CIRBP: variants seen among roughly 807,000 people sequenced by gnomAD.
CIRBP encodes the protein cold inducible RNA binding protein.
Under a neutral mutation model 22.3 loss-of-function variants are expected in CIRBP, and 11 were observed. The observed-to-expected ratio is 0.49, with a 90% CI of 0.31 to 0.82. The LOEUF (loss-of-function observed/expected upper bound fraction) is 0.82. CIRBP is among the 40% of genes least tolerant of loss of function. CIRBP has a pLI of 0.05. For missense variants in CIRBP, 456 were observed against 402.7 expected (o/e 1.13, Z -1.13); for synonymous variants, 216 against 158.8 (o/e 1.36, Z -2.71).
In CIRBP at chr19:1,272,596, C is replaced by T. The variant is rs1051258803; in HGVS notation, c.*153C>T. 1 of 657,774 alleles carries T rather than the reference C, an allele frequency of 1.5e-6. No homozygotes were observed. The highest frequency in any genetic ancestry group is 1.8e-5 in the African/African-American group (1 of 55,394). The allele number at this position is 657,774 out of a possible 1,614,324, so 40.7% of individuals were successfully genotyped here. A position where few individuals can be genotyped will look rare whatever the true frequency, so the allele number is the denominator to read the frequency against. ...GATCTTGTCAAACCCAGCCTGACCG[C>T]TTCTGACGCCGGGATGGCCTCGTTA... On this transcript the variant is annotated 3_prime_UTR_variant, in exon 6 of 6. Transcript: ENST00000587896.
chr19:1,269,544 C>T lies in CIRBP; in HGVS notation c.-7+134C>T, dbSNP rs866704788. 8 of 158,130 alleles carry T rather than the reference C, an allele frequency of 5.1e-5. No homozygotes were observed. In the South Asian group the frequency reaches 1.3e-3, roughly 26 times the overall value. 9.8% of individuals were successfully genotyped at this position (158,130 alleles called of 1,614,324 possible). A position where few individuals can be genotyped will look rare whatever the true frequency, so the allele number is the denominator to read the frequency against. Reference sequence around the variant, plus strand: ...GGGGTGGAGTCCGCCCCGCCGGCGGCGAGGGACAGCGGGAGATTGGGCCGA... The same window carrying T: ...GGGGTGGAGTCCGCCCCGCCGGCGGTGAGGGACAGCGGGAGATTGGGCCGA... On this transcript the variant is annotated intron_variant, in intron 1 of 5. Transcript: ENST00000587896.
rs1264596205 is a variant in CIRBP, at chr19:1,271,389, C to T, written c.271C>T (p.Arg91Cys). Reference protein sequence around the residue: ...QAGKSSDNRSRGYRGGSAGGR... With the variant: ...QAGKSSDNRSCGYRGGSAGGR... Reference sequence around the variant, plus strand: ...AGGCAAGTCGTCAGACAACCGATCCCGTGGGTACCGTGGTGGCTCTGCCGG... The same window carrying T: ...AGGCAAGTCGTCAGACAACCGATCCTGTGGGTACCGTGGTGGCTCTGCCGG... The change falls in exon 4 of 6, where the codon CGT (arginine) becomes TGT (cysteine). Residue 91 changes from arginine (R) to cysteine (C), a missense_variant. Physicochemically the swap from Arg to Cys is radical, Grantham distance 180. This residue lies in a region of CIRBP where 426 missense variants were observed against 339.6 expected (regional missense o/e 1.25). Transcript: ENST00000587896. 8 of 1,613,840 alleles carry T rather than the reference C, an allele frequency of 5.0e-6. No individual in the cohort carries two copies. Among genetic ancestry groups the T allele is most frequent in the Admixed American group, 1.7e-5 (1 of 60,020 alleles).
chr19:1,273,303 G>C lies in CIRBP; in HGVS notation c.*860G>C, dbSNP rs919947952. 2.0e-5 allele frequency: 3 copies of C among 152,368 alleles called. No individual in the cohort carries two copies. The highest frequency in any genetic ancestry group is 7.2e-5 in the African/African-American group (3 of 41,456). The allele number at this position is 152,368 out of a possible 1,614,324, so 9.4% of individuals were successfully genotyped here. A position where few individuals can be genotyped will look rare whatever the true frequency, so the allele number is the denominator to read the frequency against. On this transcript the variant is annotated 3_prime_UTR_variant, in exon 6 of 6. Coordinates refer to ENST00000587896, the MANE Select transcript of CIRBP (RefSeq NM_001300829.2). ...GCCTTCCCTGGGGCCTGCAGAGCTA[G>C]AAAGGGAGGCCCAGCAGACTGGCGC...
intron 1 of CIRBP, chr19:1,269,851 T>C: frequency 1.9e-6 from 1 of 519,610 alleles, no homozygotes; most frequent in Non-Finnish European, 3.8e-6. Flanking sequence ...CCTTTTCCCA[T>C]TGCGATTGCA....
At chr19:1,270,204 C>A in intron 1 of CIRBP, 1 of 435,242 alleles carries the variant, frequency 2.3e-6, no homozygotes. Flanking sequence ...AGGTGCCCCC[C>A]AGGACGGGGC....
intron 1 of CIRBP, 144 bp from the exon 2 acceptor site, chr19:1,270,784 G>C (rs2081326147): frequency 1.4e-6 from 1 of 700,914 alleles, no homozygotes. Context: ...ATAAGTCCTA[G>C]GTATGAGTTT....
In CIRBP at chr19:1,273,978, T is replaced by G; in HGVS notation, c.*1535T>G. The G allele has an allele frequency of 3.1e-5, 7 of 226,312 alleles. No homozygotes were observed. The highest frequency in any genetic ancestry group is 8.2e-5 in the East Asian group (1 of 12,142). The allele number at this position is 226,312 out of a possible 1,614,324, so 14.0% of individuals were successfully genotyped here. ...TGAAGACCAGTGAACGCCCCCGCCT[T>G]TTGGATTTTTTGCTCAATTGACCGT... On this transcript the variant is annotated 3_prime_UTR_variant, in exon 6 of 6. Coordinates refer to ENST00000587896, the MANE Select transcript of CIRBP (RefSeq NM_001300829.2).
At position 1,272,690 on chromosome 19, in the gene CIRBP, A is replaced by C; in HGVS notation, c.*247A>C. 2.6e-6 allele frequency: 1 copy of C among 385,892 alleles called. No individual in the cohort carries two copies. Among genetic ancestry groups the C allele is most frequent in the Non-Finnish European group, 4.6e-6 (1 of 215,534 alleles). 23.9% of individuals were successfully genotyped at this position (385,892 alleles called of 1,614,324 possible). A position where few individuals can be genotyped will look rare whatever the true frequency, so the allele number is the denominator to read the frequency against. On this transcript the variant is annotated 3_prime_UTR_variant, in exon 6 of 6. Coordinates refer to ENST00000587896, the MANE Select transcript of CIRBP (RefSeq NM_001300829.2). ...TTTCAAAACATTTTGAAAAGCATTT[A>C]CTTTTTTGACCACGAGCCATGAGTT... is the stretch of plus-strand genomic sequence containing the variant.
rs893987997 is a variant in CIRBP, at chr19:1,269,889, T to C, written c.-7+479T>C. 5.8e-6 allele frequency: 3 copies of C among 519,850 alleles called. No homozygotes were observed. In the Admixed American group the frequency reaches 5.8e-5, roughly 10 times the overall value. 32.2% of individuals were successfully genotyped at this position (519,850 alleles called of 1,614,324 possible). On this transcript the variant is annotated intron_variant, in intron 1 of 5. Transcript: ENST00000587896. ...AGGGAAAGGACGGCCTCGTAAATCT[T>C]GGGTAGGCGTGGCCCGTTCTAGTGT...
rs960877209 is a variant in CIRBP, at chr19:1,274,472, G to A, written c.*2029G>A. On this transcript the variant is annotated 3_prime_UTR_variant, in exon 6 of 6. Transcript: ENST00000587896. ...GCTTTCGGGAAGAGTGGCATGTGGCGCTGAGCCCTGTCCCGGGCGGCACCT... is the reference window on the plus strand; with the variant it reads ...GCTTTCGGGAAGAGTGGCATGTGGCACTGAGCCCTGTCCCGGGCGGCACCT... The A allele has an allele frequency of 5.1e-6, 2 of 393,972 alleles. No individual in the cohort carries two copies. The highest frequency in any genetic ancestry group is 9.0e-6 in the Non-Finnish European group (2 of 222,342). The allele number at this position is 393,972 out of a possible 1,614,324, so 24.4% of individuals were successfully genotyped here.
Position 1,271,501 on chromosome 19 carries a change from G to A in CIRBP, c.349+34G>A, listed in dbSNP as rs1418337799. ...CATGAGTGGGTCCCTTGGGGATGCT[G>A]TGAGGTACTGCTGGTGGGAGCTGGT... is the stretch of plus-strand genomic sequence containing the variant. On this transcript the variant is annotated intron_variant, in intron 4 of 5. Transcript: ENST00000587896. 4.4e-6 allele frequency: 7 copies of A among 1,602,496 alleles called. No homozygotes were observed. The East Asian group carries it at 1.1e-4, about 26-fold the overall frequency.
At chr19:1,270,470 T>A (rs1020122748) in intron 1 of CIRBP, among the ~76,000 whole-genome samples, 1 of 152,060 alleles carries the variant, frequency 6.6e-6, no homozygotes, top group Non-Finnish European at 1.5e-5. Context: ...ATTATTTGAA[T>A]TAAGAAGTCC....
chr19:1,270,795 G>T (rs1031728426), intron 1 of CIRBP, 133 bp from the exon 2 acceptor site: 2 of 740,086 alleles, frequency 2.7e-6, no homozygotes, highest in Non-Finnish European at 4.7e-6. Context: ...GTATGAGTTT[G>T]AGATAATGAA....
Position 1,272,344 on chromosome 19 carries a change from G to C in CIRBP, c.795G>C (p.Arg265Ser). The C allele has an allele frequency of 6.2e-7, 1 of 1,613,492 alleles. No individual in the cohort carries two copies. Among genetic ancestry groups the C allele is most frequent in the Non-Finnish European group, 8.5e-7 (1 of 1,179,726 alleles). The change falls in exon 6 of 6, where the codon AGG becomes AGC. Residue 265 changes from arginine to serine, a missense_variant. Arg to Ser is a moderately radical substitution (Grantham distance 110). Coordinates refer to ENST00000587896, the MANE Select transcript of CIRBP (RefSeq NM_001300829.2). ...GCGGWLLPGR[R>S]PRPGLASGVK... ...GGGGGTGGTTGCTCCCCGGCCGCAG[G>C]CCGCGCCCTGGTCTGGCCTCTGGGG...
chr19:1,271,972 G>C lies in CIRBP; in HGVS notation c.432-9G>C, dbSNP rs769478304. On this transcript the variant is annotated splice_polypyrimidine_tract_variant and intron_variant, in intron 5 of 5. Transcript: ENST00000587896. ...ACCTTCCGGTACTCAACGTTTGTCT[G>C]TCTTGCAGCCGGAGTCAGAGTGGTG... is the stretch of plus-strand genomic sequence containing the variant. The C allele has an allele frequency of 9.4e-6, 15 of 1,603,480 alleles. No homozygotes were observed. In the African/African-American group the frequency reaches 1.3e-4, roughly 14 times the overall value.
In CIRBP at chr19:1,270,951, C is replaced by G; in HGVS notation, c.18C>G (p.Gly6=). The change falls in exon 2 of 6, where the codon GGC becomes GGG. Residue 6 remains glycine (G), a synonymous_variant. Coordinates refer to ENST00000587896, the MANE Select transcript of CIRBP (RefSeq NM_001300829.2). ...AGGCCGCCATGGCATCAGATGAAGG[C>G]AAACTTTTTGTTGGAGGGCTGAGTT... MASDE[G]KLFVGGLSFD... is the part of the protein sequence containing the mutation. 6 of 1,614,040 alleles carry G rather than the reference C, an allele frequency of 3.7e-6. No homozygotes were observed. Among genetic ancestry groups the G allele is most frequent in the Non-Finnish European group, 5.1e-6 (6 of 1,179,992 alleles).
rs780078603 is a variant in CIRBP, at chr19:1,272,193, A to G, written c.644A>G (p.Gln215Arg). The G allele has an allele frequency of 1.9e-5, 30 of 1,597,118 alleles. No individual in the cohort carries two copies. In the East Asian group the frequency reaches 5.2e-4, roughly 28 times the overall value. The change falls in exon 6 of 6, where the codon CAG (glutamine) becomes CGG (arginine). Residue 215 changes from glutamine (Q) to arginine (R), a missense_variant. Gln to Arg is a conservative substitution (Grantham distance 43). Coordinates refer to ENST00000587896, the MANE Select transcript of CIRBP (RefSeq NM_001300829.2). ...CCAGAAGAGGCGCATCTGTCCTCTC[A>G]GAGCCATTTCTATCGCAGGACGCAA... is the stretch of plus-strand genomic sequence containing the variant. ...ACPEEAHLSS[Q>R]SHFYRRTQKP...
At position 1,274,381 on chromosome 19, in the gene CIRBP, G is replaced by C. The variant is rs1203709442; in HGVS notation, c.*1938G>C. On this transcript the variant is annotated 3_prime_UTR_variant, in exon 6 of 6. Coordinates refer to ENST00000587896, the MANE Select transcript of CIRBP (RefSeq NM_001300829.2). ...ATGACCTCTGGGGTCACTGTCCCAG[G>C]AGGGACTTCACCTGGAACAAGAGCT... 4 of 400,864 alleles carry C rather than the reference G, an allele frequency of 1.0e-5. No individual in the cohort carries two copies. Among genetic ancestry groups the C allele is most frequent in the African/African-American group, 2.1e-5 (1 of 48,718 alleles). 24.8% of individuals were successfully genotyped at this position (400,864 alleles called of 1,614,324 possible).
chr19:1,271,299 C>T (rs778561524), intron 3 of CIRBP, 30 bp from the exon 4 acceptor site: 4 of 1,614,044 alleles, frequency 2.5e-6, no homozygotes, highest in South Asian at 1.1e-5. Context: ...GGGCACCCAC[C>T]TGCTAACCCG....
Sources: allele counts gnomAD v4.1 joint callset (sites outside exome capture counted in the v4.1 genomes callset), GRCh38; gene constraint gnomAD v4.1.1; regional missense constraint gnomAD v4.1.1; transcripts MANE v1.5; gene names NCBI Gene and HGNC (gene_info 2026-07-23, HGNC 2026-07-21).